Variants in CDH20 observed in about 807,000 individuals in gnomAD.
CDH20 encodes cadherin-20.
Under a neutral mutation model 74.2 loss-of-function variants are expected in CDH20, and 29 were observed. The ratio of observed to expected loss-of-function variants is 0.39; its 90% confidence interval spans 0.29 to 0.53. The LOEUF (loss-of-function observed/expected upper bound fraction) is 0.53, where lower values mean the gene tolerates loss of function less well. Among genes scored for constraint, CDH20 ranks in the 20% least tolerant of loss-of-function variants. The pLI, the probability that CDH20 is intolerant of heterozygous loss-of-function variation, is 0.69. For missense variants in CDH20, 988 were observed against 1,048.3 expected (o/e 0.94, Z 0.79); for synonymous variants, 469 against 405.4 (o/e 1.16, Z -1.88).
intron 1 of CDH20, among the ~76,000 whole-genome samples, chr18:61,363,926 G>C (rs1910777547): frequency 6.6e-6 from 1 of 152,112 alleles, no homozygotes; most frequent in African/African-American, 2.4e-5. Context: ...CAAAAGAATA[G>C]AGAGAATGAA....
At chr18:61,405,334 T>C (rs28473410) in intron 1 of CDH20, 2,535 of 224,104 alleles carry the variant, frequency 0.011, 61 homozygotes, top group African/African-American at 0.055. Flanking sequence ...ATGCCTTTGA[T>C]CCCAGCACTT....
At chr18:61,440,211 C>T (rs970228037) in intron 1 of CDH20, among the ~76,000 whole-genome samples, 1 of 152,130 alleles carries the variant, frequency 6.6e-6, no homozygotes, top group Non-Finnish European at 1.5e-5. Context: ...TGTGACTTTC[C>T]TTTCCCAATA....
At chr18:61,347,319 T>TATACACAC (rs869054502) in intron 1 of CDH20, among the ~76,000 whole-genome samples, 2 of 77,416 alleles carry the variant, frequency 2.6e-5, no homozygotes, top group Non-Finnish European at 4.7e-5. Context: ...TATATATATA[T>TATACACAC]ACACACACAC....
intron 1 of CDH20, among the ~76,000 whole-genome samples, chr18:61,463,750 T>G (rs1478226821): frequency 6.6e-6 from 1 of 152,050 alleles, no homozygotes; most frequent in Non-Finnish European, 1.5e-5. Context: ...TTCGGTCAAC[T>G]CCCAACTCTG....
Position 61,555,515 on chromosome 18 carries a change from A to G in CDH20, c.*820A>G, listed in dbSNP as rs1227484521. ...GTGCCAAATGTGGAGATTAGATGCT[A>G]CAAATGAAAGCCAAATAAAAAAGAA... On this transcript the variant is annotated 3_prime_UTR_variant, in exon 12 of 12. Coordinates refer to ENST00000262717, the MANE Select transcript of CDH20 (RefSeq NM_031891.4). 3.0e-6 allele frequency: 3 copies of G among 985,336 alleles called. No homozygotes were observed. Among genetic ancestry groups the G allele is most frequent in the Non-Finnish European group, 3.6e-6 (3 of 829,950 alleles). The allele number at this position is 985,336 out of a possible 1,614,324, so 61.0% of individuals were successfully genotyped here. A position where few individuals can be genotyped will look rare whatever the true frequency, so the allele number is the denominator to read the frequency against.
intron 11 of CDH20, among the ~76,000 whole-genome samples, chr18:61,552,280 A>G (rs1913463882): frequency 6.6e-6 from 1 of 151,966 alleles, no homozygotes. Flanking sequence ...CCTAGAACTA[A>G]TTCTCTTCTG....
At chr18:61,352,724 G>T (rs565931140) in intron 1 of CDH20, among the ~76,000 whole-genome samples, 1 of 152,282 alleles carries the variant, frequency 6.6e-6, no homozygotes, top group South Asian at 2.1e-4. Context: ...TAGTAACTCT[G>T]ACTCCTCCCT....
chr18:61,426,684 T>C (rs965665487), intron 1 of CDH20, among the ~76,000 whole-genome samples: 1 of 152,244 alleles, frequency 6.6e-6, no homozygotes, highest in Non-Finnish European at 1.5e-5. Context: ...ACTGACTTAA[T>C]GGCCTGCATC....
intron 1 of CDH20, among the ~76,000 whole-genome samples, chr18:61,350,396 T>C (rs1013350461): frequency 1.3e-5 from 2 of 152,124 alleles, no homozygotes; most frequent in Non-Finnish European, 2.9e-5. Flanking sequence ...ACCTTGGTTG[T>C]AGGACAGGAC....
chr18:61,536,655 C>A, intron 8 of CDH20, 26 bp downstream of exon 8: 1 of 1,603,606 alleles, frequency 6.2e-7, no homozygotes, highest in Non-Finnish European at 8.5e-7. Context: ...AGTTGGTCTC[C>A]ATGCAGTGAC....
rs539320381 is a variant in CDH20, at chr18:61,454,919, C to T, written c.-152-35483C>T. On this transcript the variant is annotated intron_variant, in intron 1 of 11. Transcript: ENST00000262717. ...CATGGTGCCTTGGAAAAGCATCATG[C>T]GTGAGGCAAAAGAACTGAGTACTGA... Among the ~76,000 whole-genome samples, 22 of 152,198 alleles carry T rather than the reference C, an allele frequency of 1.4e-4. No homozygotes were observed. In the South Asian group the frequency reaches 4.2e-3, roughly 29 times the overall value.
intron 1 of CDH20, among the ~76,000 whole-genome samples, chr18:61,468,632 G>A (rs1165736362): frequency 6.6e-6 from 1 of 152,086 alleles, no homozygotes; most frequent in Non-Finnish European, 1.5e-5. Context: ...AGTGCAACTG[G>A]CTTAGATAAT....
chr18:61,436,010 A>G (rs911780298), intron 1 of CDH20, among the ~76,000 whole-genome samples: 2 of 152,188 alleles, frequency 1.3e-5, no homozygotes, highest in Non-Finnish European at 2.9e-5. Flanking sequence ...TGGGCATTTC[A>G]TATAAATGAA....
At chr18:61,528,956 T>C (rs7242526) in intron 7 of CDH20, among the ~76,000 whole-genome samples, 18,697 of 152,210 alleles carry the variant, frequency 0.12, 1,474 homozygotes, top group African/African-American at 0.22. Context: ...GATGGGTCTT[T>C]GTATGGCAAT....
chr18:61,360,061 C>A (rs919065460), intron 1 of CDH20, among the ~76,000 whole-genome samples: 2 of 152,152 alleles, frequency 1.3e-5, no homozygotes, highest in Admixed American at 1.3e-4. Flanking sequence ...TTTCCCTTTT[C>A]ACTTTAATTT....
chr18:61,489,499 A>G (rs1668382795), intron 1 of CDH20, among the ~76,000 whole-genome samples: 1 of 151,782 alleles, frequency 6.6e-6, no homozygotes, highest in African/African-American at 2.4e-5. Context: ...GTAAGGGAAG[A>G]AAAGATTGAT....
intron 1 of CDH20, among the ~76,000 whole-genome samples, chr18:61,393,558 C>T (rs551120595): frequency 6.6e-6 from 1 of 152,170 alleles, no homozygotes. Flanking sequence ...AAGAAACTTA[C>T]AGTGTATTTT....
At chr18:61,433,796 G>C (rs1908734209) in intron 1 of CDH20, among the ~76,000 whole-genome samples, 1 of 152,164 alleles carries the variant, frequency 6.6e-6, no homozygotes, top group Non-Finnish European at 1.5e-5. Flanking sequence ...GTCACTGTTT[G>C]TGTTGTTCAA....
intron 1 of CDH20, among the ~76,000 whole-genome samples, chr18:61,420,527 C>T (rs573144543): frequency 1.3e-5 from 2 of 152,248 alleles, no homozygotes; most frequent in South Asian, 4.1e-4. Context: ...AAATTAGTAA[C>T]CTAAACACTA....
Sources: gnomAD v4.1 joint callset for allele counts (sites outside exome capture counted in the v4.1 genomes callset) on GRCh38, gnomAD v4.1.1 for gene constraint, MANE v1.5 for transcripts, NCBI Gene and HGNC (gene_info 2026-07-23, HGNC 2026-07-21) for gene names.